Variants in UBE2E2 observed in about 807,000 individuals in gnomAD.
UBE2E2 encodes the protein ubiquitin-conjugating enzyme E2 E2.
UBE2E2 carries 6 observed loss-of-function variants against 24.7 expected under a neutral mutation model. That is an observed-to-expected ratio of 0.24 (90% CI 0.13 to 0.48). The LOEUF (loss-of-function observed/expected upper bound fraction) is 0.48. Ranked by LOEUF, UBE2E2 falls within the 20% of genes least tolerant of loss-of-function variation. The pLI, the probability that UBE2E2 is intolerant of heterozygous loss-of-function variation, is 0.99. For synonymous variants in UBE2E2, 104 were observed against 83.6 expected (o/e 1.24, Z -1.33); for missense variants, 169 against 245.0 (o/e 0.69, Z 2.07).
intron 3 of UBE2E2, among the ~76,000 whole-genome samples, chr3:23,381,288 A>G (rs1017003642): frequency 6.6e-5 from 10 of 152,192 alleles, no homozygotes; most frequent in Non-Finnish European, 1.0e-4. Flanking sequence ...TTTCTGGGAA[A>G]CTGTGGTAAG....
intron 3 of UBE2E2, among the ~76,000 whole-genome samples, chr3:23,335,449 C>T (rs929585279): frequency 6.6e-6 from 1 of 152,048 alleles, no homozygotes; most frequent in Non-Finnish European, 1.5e-5. Flanking sequence ...TATAGTATTT[C>T]TTGGATTTGC....
At chr3:23,329,256 G>A (rs767357639) in intron 3 of UBE2E2, among the ~76,000 whole-genome samples, 3 of 152,166 alleles carry the variant, frequency 2.0e-5, no homozygotes, top group African/African-American at 4.8e-5. Flanking sequence ...TCTAACACAA[G>A]CAAGGCTCCC....
At chr3:23,379,767 G>C (rs1034196194) in intron 3 of UBE2E2, among the ~76,000 whole-genome samples, 17 of 152,146 alleles carry the variant, frequency 1.1e-4, no homozygotes, top group African/African-American at 3.9e-4. Flanking sequence ...TCTCTGAGGA[G>C]GTGACCTTTA....
chr3:23,518,182 T>C (rs546403093), intron 4 of UBE2E2, among the ~76,000 whole-genome samples: 1 of 152,244 alleles, frequency 6.6e-6, no homozygotes, highest in East Asian at 1.9e-4. Flanking sequence ...GGAATGTGAA[T>C]GAAGCAAGAT....
At chr3:23,349,686 C>T (rs1028110658) in intron 3 of UBE2E2, among the ~76,000 whole-genome samples, 11 of 152,342 alleles carry the variant, frequency 7.2e-5, no homozygotes, top group African/African-American at 2.4e-4. Context: ...AGGGGAGGGG[C>T]GCCCGCCATT....
At chr3:23,300,484 G>A (rs1166574071) in intron 3 of UBE2E2, among the ~76,000 whole-genome samples, 4 of 152,078 alleles carry the variant, frequency 2.6e-5, no homozygotes, top group Admixed American at 6.5e-5. Context: ...GCCTGGTGGT[G>A]ACAAAATCTC....
At chr3:23,336,238 G>A (rs1695206654) in intron 3 of UBE2E2, among the ~76,000 whole-genome samples, 1 of 152,162 alleles carries the variant, frequency 6.6e-6, no homozygotes, top group Non-Finnish European at 1.5e-5. Flanking sequence ...GGGGGGAAAA[G>A]GAGGGAAGAA....
intron 3 of UBE2E2, among the ~76,000 whole-genome samples, chr3:23,498,726 T>C (rs1269655817): frequency 6.6e-6 from 1 of 152,202 alleles, no homozygotes; most frequent in Non-Finnish European, 1.5e-5. Context: ...CAGTGATGCA[T>C]GCCTGTAAAC....
chr3:23,306,288 C>G (rs1218996122), intron 3 of UBE2E2, among the ~76,000 whole-genome samples: 1 of 152,128 alleles, frequency 6.6e-6, no homozygotes, highest in Non-Finnish European at 1.5e-5. Flanking sequence ...GCTGACATTG[C>G]TGTAAATTTG....
intron 3 of UBE2E2, among the ~76,000 whole-genome samples, chr3:23,496,876 G>A (rs1264161296): frequency 3.9e-5 from 6 of 152,114 alleles, no homozygotes; most frequent in Non-Finnish European, 7.4e-5. Flanking sequence ...AAAAATTCAT[G>A]TATAATGTTT....
intron 3 of UBE2E2, among the ~76,000 whole-genome samples, chr3:23,221,717 A>G (rs542560159): frequency 6.6e-6 from 1 of 151,954 alleles, no homozygotes; most frequent in South Asian, 2.1e-4. Flanking sequence ...GCTCCCTGCA[A>G]GCTCCACCTC....
chr3:23,393,850 G>A (rs184898920), intron 3 of UBE2E2, among the ~76,000 whole-genome samples: 13 of 152,214 alleles, frequency 8.5e-5, no homozygotes, highest in Admixed American at 3.9e-4. Flanking sequence ...TATTCATAAA[G>A]TTGTATCGGG....
chr3:23,217,954 T>G (rs921423178), intron 3 of UBE2E2, among the ~76,000 whole-genome samples: 1 of 152,150 alleles, frequency 6.6e-6, no homozygotes, highest in Non-Finnish European at 1.5e-5. Context: ...TACCTTATGC[T>G]GCTGCTTTGG....
intron 3 of UBE2E2, among the ~76,000 whole-genome samples, chr3:23,417,281 T>C (rs907567560): frequency 6.6e-6 from 1 of 152,210 alleles, no homozygotes; most frequent in Non-Finnish European, 1.5e-5. Context: ...CCTTTCTGTT[T>C]GTTCATTTTC....
chr3:23,488,694 C>T (rs1343255958), intron 3 of UBE2E2, among the ~76,000 whole-genome samples: 1 of 152,156 alleles, frequency 6.6e-6, no homozygotes, highest in Non-Finnish European at 1.5e-5. Flanking sequence ...GTAGGGGCAG[C>T]AATGGTTTAC....
At chr3:23,218,844 A>G (rs1190483396) in intron 3 of UBE2E2, among the ~76,000 whole-genome samples, 2 of 152,320 alleles carry the variant, frequency 1.3e-5, no homozygotes, top group Non-Finnish European at 2.9e-5. Flanking sequence ...TAATTGAACC[A>G]TAGTTCTATT....
intron 5 of UBE2E2, among the ~76,000 whole-genome samples, chr3:23,582,568 T>A (rs1360179614): frequency 6.6e-6 from 1 of 152,222 alleles, no homozygotes; most frequent in East Asian, 1.9e-4. Flanking sequence ...CAGCATCTGT[T>A]ATTTTTTGAC....
At chr3:23,316,575 C>T (rs370516323) in intron 3 of UBE2E2, among the ~76,000 whole-genome samples, 86 of 152,020 alleles carry the variant, frequency 5.7e-4, no homozygotes, top group African/African-American at 1.5e-3. Context: ...CTACAACTGG[C>T]GACCCCAAGA....
intron 4 of UBE2E2, 74 bp downstream of exon 4, chr3:23,499,814 T>C: frequency 6.6e-7 from 1 of 1,517,278 alleles, no homozygotes; most frequent in African/African-American, 1.4e-5. Context: ...TTCTTAAATA[T>C]GCATTCTAGG....
Sources: allele counts gnomAD v4.1 joint callset (sites outside exome capture counted in the v4.1 genomes callset), GRCh38; gene constraint gnomAD v4.1.1; transcripts MANE v1.5; gene names NCBI Gene and HGNC (gene_info 2026-07-23, HGNC 2026-07-21).